Variants in TRPM6 observed in about 807,000 individuals in gnomAD.
TRPM6 encodes the protein transient receptor potential cation channel subfamily M member 6.
A neutral mutation model predicts 247.6 loss-of-function variants in TRPM6; 111 were observed. The observed-to-expected ratio is 0.45, with a 90% CI of 0.38 to 0.52. The LOEUF (loss-of-function observed/expected upper bound fraction) is 0.52, where lower values mean the gene tolerates loss of function less well. TRPM6 is among the 20% of genes least tolerant of loss of function. The pLI, the probability that TRPM6 is intolerant of heterozygous loss-of-function variation, is 0.00. For synonymous variants in TRPM6, 892 were observed against 853.8 expected (o/e 1.04, Z -0.78); for missense variants, 2,126 against 2,421.5 (o/e 0.88, Z 2.56).
In TRPM6 at chr9:74,821,549, A is replaced by G. The variant is rs1015658547; in HGVS notation, c.1010+120T>C. ...ACAAACACAGTCACTGAGAAATGAAATCCAGTCTCAACTTCTATAATCCAA... is the reference window on the plus strand; with the variant it reads ...ACAAACACAGTCACTGAGAAATGAAGTCCAGTCTCAACTTCTATAATCCAA... On this transcript the variant is annotated intron_variant, in intron 8 of 38. Coordinates refer to ENST00000360774, the MANE Select transcript of TRPM6 (RefSeq NM_017662.5). The G allele has an allele frequency of 5.9e-6, 7 of 1,185,352 alleles. No homozygotes were observed. In the African/African-American group the frequency reaches 1.1e-4, roughly 18 times the overall value. The allele number at this position is 1,185,352 out of a possible 1,614,324, so 73.4% of individuals were successfully genotyped here. A position where few individuals can be genotyped will look rare whatever the true frequency, so the allele number is the denominator to read the frequency against.
chr9:74,782,274 G>T (rs1435794350), intron 23 of TRPM6, 88 bp downstream of exon 23: 2 of 964,934 alleles, frequency 2.1e-6, no homozygotes, highest in South Asian at 1.4e-5. Context: ...AAAATCAAAG[G>T]TTACATACTC....
chr9:74,887,018 G>A (rs1831551782), intron 1 of TRPM6, among the ~76,000 whole-genome samples: 1 of 152,138 alleles, frequency 6.6e-6, no homozygotes, highest in African/African-American at 2.4e-5. Flanking sequence ...CAAAATAGGC[G>A]AGACCAAGAA....
intron 21 of TRPM6, among the ~76,000 whole-genome samples, chr9:74,783,479 T>C (rs1263250109): frequency 2.0e-5 from 3 of 152,218 alleles, no homozygotes; most frequent in Non-Finnish European, 4.4e-5. Flanking sequence ...GGGCACTTCT[T>C]GTCCAGAGCA....
At chr9:74,758,483 A>G (rs1185400458) in intron 27 of TRPM6, among the ~76,000 whole-genome samples, 1 of 152,208 alleles carries the variant, frequency 6.6e-6, no homozygotes, top group Non-Finnish European at 1.5e-5. Flanking sequence ...CTAACATTAT[A>G]AAATTAATGA....
intron 2 of TRPM6, chr9:74,857,640 G>C (rs1830565812): frequency 6.6e-6 from 1 of 152,102 alleles, no homozygotes; most frequent in South Asian, 2.1e-4. Flanking sequence ...ATTCCATTCT[G>C]CTACCGATTA....
intron 25 of TRPM6, among the ~76,000 whole-genome samples, chr9:74,767,407 T>C (rs958146058): frequency 1.3e-5 from 2 of 152,162 alleles, no homozygotes; most frequent in Non-Finnish European, 2.9e-5. Context: ...CTTGCTATGT[T>C]CTCTTTTTCC....
At chr9:74,880,733 G>A (rs1052286310) in intron 1 of TRPM6, among the ~76,000 whole-genome samples, 1 of 152,042 alleles carries the variant, frequency 6.6e-6, no homozygotes, top group African/African-American at 2.4e-5. Context: ...CTACCATCAT[G>A]AAAATACACG....
rs372624602 is a variant in TRPM6 at position 74,803,794 on chromosome 9, C to T, written c.1731G>A (p.Lys577=). 95 of 1,605,028 alleles carry T rather than the reference C, an allele frequency of 5.9e-5. No homozygotes were observed. The Admixed American group carries it at 1.2e-3, about 20-fold the overall frequency. The change falls in exon 15 of 39, where the codon AAG becomes AAA. Residue 577 remains lysine, a splice_region_variant and synonymous_variant. Transcript: ENST00000360774. ...AAGTTGAAAAACAAGTAAATGGTAC[C>T]TTGAATTTGTATGGCTGTGCAGTTC... ...FIRTAQPYKF[K]EKSIVLHKSR...
chr9:74,767,893 T>C (rs1023705506), intron 25 of TRPM6, among the ~76,000 whole-genome samples: 2 of 152,170 alleles, frequency 1.3e-5, no homozygotes, highest in African/African-American at 4.8e-5. Flanking sequence ...AGAGGATCGC[T>C]TGAGCCCAGG....
chr9:74,763,185 A>G, intron 25 of TRPM6, 51 bp from the exon 26 acceptor site: 2 of 1,570,452 alleles, frequency 1.3e-6, no homozygotes, highest in Non-Finnish European at 1.7e-6. Flanking sequence ...GCCAGTGGGA[A>G]TTTGCTCTCT....
chr9:74,840,407 T>C (rs560176915), intron 4 of TRPM6, among the ~76,000 whole-genome samples, 170 bp from the exon 5 acceptor site: 116 of 152,206 alleles, frequency 7.6e-4, no homozygotes, highest in Admixed American at 2.7e-3. Context: ...TTTTAAAAGA[T>C]TCCACACTCC....
intron 37 of TRPM6, among the ~76,000 whole-genome samples, chr9:74,730,372 T>C (rs1047395319): frequency 6.6e-6 from 1 of 152,176 alleles, no homozygotes; most frequent in Admixed American, 6.5e-5. Context: ...AGAAACAATA[T>C]GAGAATTTAT....
intron 2 of TRPM6, among the ~76,000 whole-genome samples, chr9:74,857,484 C>T (rs1276873718): frequency 6.6e-6 from 1 of 152,196 alleles, no homozygotes; most frequent in Non-Finnish European, 1.5e-5. Flanking sequence ...AGGGCAATGT[C>T]AATCTTAATT....
intron 15 of TRPM6, 32 bp from the exon 16 acceptor site, chr9:74,802,207 A>G: frequency 6.3e-7 from 1 of 1,596,096 alleles, no homozygotes; most frequent in Non-Finnish European, 8.6e-7. Flanking sequence ...ATGAGTTTTC[A>G]AATACTCAGA....
At chr9:74,871,276 C>T (rs1261483302) in intron 1 of TRPM6, among the ~76,000 whole-genome samples, 2 of 152,176 alleles carry the variant, frequency 1.3e-5, no homozygotes, top group Non-Finnish European at 2.9e-5. Flanking sequence ...CCCTGTTCCC[C>T]AGCCATCCAG....
intron 3 of TRPM6, among the ~76,000 whole-genome samples, chr9:74,845,989 C>T (rs1170083242): frequency 3.9e-5 from 6 of 151,910 alleles, no homozygotes; most frequent in Admixed American, 3.3e-4. Flanking sequence ...AAAAAATTTA[C>T]GTAAAAAATA....
At chr9:74,849,324 C>G (rs1286762813) in intron 3 of TRPM6, among the ~76,000 whole-genome samples, 3 of 141,594 alleles carry the variant, frequency 2.1e-5, no homozygotes, top group African/African-American at 7.9e-5. Context: ...GCACTCCAGC[C>G]TGGGAAATAA....
intron 30 of TRPM6, among the ~76,000 whole-genome samples, chr9:74,749,553 C>G (rs1040726981): frequency 4.6e-5 from 7 of 152,204 alleles, no homozygotes; most frequent in African/African-American, 1.7e-4. Flanking sequence ...GCCTACAAAT[C>G]AGTTTCATTA....
intron 7 of TRPM6, among the ~76,000 whole-genome samples, chr9:74,823,611 GTACCAACTAA>G (rs1343745004): frequency 6.6e-6 from 1 of 152,036 alleles, no homozygotes; most frequent in East Asian, 1.9e-4. Context: ...TATCTATGAT[GTACCAACTAA>G]TAGACATAGG....
Sources: gnomAD v4.1 joint callset for allele counts (sites outside exome capture counted in the v4.1 genomes callset) on GRCh38, gnomAD v4.1.1 for gene constraint, MANE v1.5 for transcripts, NCBI Gene and HGNC (gene_info 2026-07-23, HGNC 2026-07-21) for gene names.